Variants in RIOK3 observed in about 807,000 individuals in gnomAD.
RIOK3 encodes serine/threonine-protein kinase RIO3.
A neutral mutation model predicts 63.5 loss-of-function variants in RIOK3; 40 were observed. The ratio of observed to expected loss-of-function variants is 0.63; its 90% CI spans 0.49 to 0.82. RIOK3 has a LOEUF of 0.82. Ranked by LOEUF, RIOK3 falls within the 40% of genes least tolerant of loss-of-function variation. The probability of loss-of-function intolerance (pLI) is 0.00; values close to 1 mark genes in which losing one functional copy is unlikely to be tolerated. For synonymous variants in RIOK3, 193 were observed against 205.0 expected (o/e 0.94, Z 0.50); for missense variants, 557 against 637.0 (o/e 0.87, Z 1.35).
chr18:23,477,305 T>G, intron 11 of RIOK3, 37 bp downstream of exon 11: 1 of 1,476,454 alleles, frequency 6.8e-7, no homozygotes, highest in Non-Finnish European at 9.5e-7. Flanking sequence ...TTTTGTTGGA[T>G]GTAACAGCTG....
rs937886539 is a variant in RIOK3 at position 23,482,091 on chromosome 18, C to T, written c.*812C>T. ...GAATATAAGATTTAACCATGTTTGA[C>T]GTATTTTAATTTAGTTAATGAAGCA... On this transcript the variant is annotated 3_prime_UTR_variant, in exon 13 of 13. Transcript: ENST00000339486. 4 of 152,078 alleles carry T rather than the reference C, an allele frequency of 2.6e-5. No homozygotes were observed. The highest frequency in any genetic ancestry group is 4.8e-5 in the African/African-American group (2 of 41,390). 9.4% of individuals were successfully genotyped at this position (152,078 alleles called of 1,614,324 possible).
chr18:23,455,829 C>T (rs576618409), intron 1 of RIOK3, among the ~76,000 whole-genome samples: 5 of 151,468 alleles, frequency 3.3e-5, no homozygotes, highest in Admixed American at 6.6e-5. Flanking sequence ...GACGGAGCCT[C>T]GCTCTGTCAC....
At chr18:23,453,629 A>AG in intron 1 of RIOK3, 127 bp downstream of exon 1, 1 of 811,492 alleles carries the variant, frequency 1.2e-6, no homozygotes, top group Non-Finnish European at 2.1e-6. Context: ...GACCTCGGCA[A>AG]GGGGGCACTG....
intron 1 of RIOK3, among the ~76,000 whole-genome samples, chr18:23,462,408 T>A (rs987543254): frequency 2.6e-5 from 4 of 152,224 alleles, no homozygotes; most frequent in African/African-American, 9.6e-5. Context: ...GCCAAAGTGC[T>A]AGGATTACAG....
Position 23,476,959 on chromosome 18 carries a change from T to C in RIOK3, c.1174-47T>C. The C allele has an allele frequency of 1.3e-6, 2 of 1,499,702 alleles. 1 individual carries two copies. The highest frequency in any genetic ancestry group is 2.3e-5 in the South Asian group (2 of 88,038). 92.9% of individuals were successfully genotyped at this position (1,499,702 alleles called of 1,614,324 possible). ...CTTTCAGGGGTGTCATCATCAATAA[T>C]ACCACTTAATTATTCATTTCCTAAT... On this transcript the variant is annotated intron_variant, in intron 9 of 12. Coordinates refer to ENST00000339486, the MANE Select transcript of RIOK3 (RefSeq NM_003831.5).
At position 23,481,204 on chromosome 18, in the gene RIOK3, C is replaced by T. The variant is rs757553740; in HGVS notation, c.1485C>T (p.His495=). The T allele has an allele frequency of 1.4e-5, 23 of 1,611,728 alleles. No individual in the cohort carries two copies. Among genetic ancestry groups the T allele is most frequent in the Non-Finnish European group, 1.6e-5 (19 of 1,178,650 alleles). Residue 495 remains histidine, a synonymous_variant, in exon 13 of 13, where the codon CAC becomes CAT. Coordinates refer to ENST00000339486, the MANE Select transcript of RIOK3 (RefSeq NM_003831.5). ...IEALEKMNED[H]VQKNGRKAAS... ...CTTTGGAGAAAATGAATGAAGATCA[C>T]GTTCAGAAGAATGGAAGGAAAGCTG... is the stretch of plus-strand genomic sequence containing the variant.
rs781495828 is a variant in RIOK3 at position 23,481,318 on chromosome 18, T to C, written c.*39T>C. 1.6e-6 allele frequency: 2 copies of C among 1,258,114 alleles called. No individual in the cohort carries two copies. Among genetic ancestry groups the C allele is most frequent in the African/African-American group, 1.5e-5 (1 of 64,940 alleles). The allele number at this position is 1,258,114 out of a possible 1,614,324, so 77.9% of individuals were successfully genotyped here. A position where few individuals can be genotyped will look rare whatever the true frequency, so the allele number is the denominator to read the frequency against. ...TGCTTCAGTGTTAACACAGCAGTGATTGTCAGCTGCCAATAGCAAATGAAG... is the reference window on the plus strand; with the variant it reads ...TGCTTCAGTGTTAACACAGCAGTGACTGTCAGCTGCCAATAGCAAATGAAG... On this transcript the variant is annotated 3_prime_UTR_variant, in exon 13 of 13. Coordinates refer to ENST00000339486, the MANE Select transcript of RIOK3 (RefSeq NM_003831.5).
intron 7 of RIOK3, among the ~76,000 whole-genome samples, chr18:23,469,598 C>T (rs536218049): frequency 1.3e-5 from 2 of 151,362 alleles, no homozygotes; most frequent in East Asian, 3.9e-4. Flanking sequence ...AGTGATTCTC[C>T]TGCCTCAGCC....
intron 1 of RIOK3, among the ~76,000 whole-genome samples, chr18:23,455,026 C>CCTTTCCTTTCTTTCCTTCCTTTCTTTT (rs1555754666): frequency 1.1e-4 from 17 of 151,836 alleles, no homozygotes; most frequent in Non-Finnish European, 1.9e-4. Flanking sequence ...TCCTTCCTTT[C>CCTTTCCTTTCTTTCCTTCCTTTCTTTT]CTTTCCTTTC....
intron 7 of RIOK3, among the ~76,000 whole-genome samples, chr18:23,471,303 T>C (rs1393135607): frequency 6.6e-6 from 1 of 152,226 alleles, no homozygotes; most frequent in Non-Finnish European, 1.5e-5. Flanking sequence ...TGGATGGGCA[T>C]TCTGGACTAG....
At chr18:23,453,611 A>G in intron 1 of RIOK3, 109 bp downstream of exon 1, 6 of 950,514 alleles carry the variant, frequency 6.3e-6, no homozygotes, top group Non-Finnish European at 8.3e-6. Flanking sequence ...CTGGGGCGGG[A>G]CCCCGCGGAC....
intron 8 of RIOK3, among the ~76,000 whole-genome samples, chr18:23,473,832 T>TA (rs1268920009): frequency 1.3e-5 from 2 of 152,362 alleles, no homozygotes; most frequent in African/African-American, 4.8e-5. Context: ...TTTTCTGCCT[T>TA]AGACACTTTA....
At chr18:23,465,033 C>T (rs993940155) in intron 5 of RIOK3, among the ~76,000 whole-genome samples, 2 of 152,084 alleles carry the variant, frequency 1.3e-5, no homozygotes, top group African/African-American at 4.8e-5. Context: ...TTATCTTGTG[C>T]CTGAACTACC....
Position 23,481,356 on chromosome 18 carries a change from TG to T in RIOK3, c.*78del, listed in dbSNP as rs1310389834. 1 of 904,266 alleles carries T rather than the reference TG, an allele frequency of 1.1e-6. No homozygotes were observed. The highest frequency in any genetic ancestry group is 1.7e-6 in the Non-Finnish European group (1 of 592,800). The allele number at this position is 904,266 out of a possible 1,614,324, so 56.0% of individuals were successfully genotyped here. On this transcript the variant is annotated 3_prime_UTR_variant, in exon 13 of 13. Coordinates refer to ENST00000339486, the MANE Select transcript of RIOK3 (RefSeq NM_003831.5). Reference sequence around the variant, plus strand: ...ATAGCAAATGAAGTTATGGGTGACTTGAAATACCAAAACCTGAGGAGTGGGC... The same window carrying T: ...ATAGCAAATGAAGTTATGGGTGACTTAAATACCAAAACCTGAGGAGTGGGC...
intron 8 of RIOK3, among the ~76,000 whole-genome samples, chr18:23,473,919 A>T (rs2057473001): frequency 6.6e-6 from 1 of 152,198 alleles, no homozygotes; most frequent in Non-Finnish European, 1.5e-5. Context: ...GCTTAGCATA[A>T]AAAAATGGTT....
intron 9 of RIOK3, among the ~76,000 whole-genome samples, chr18:23,475,482 T>TAAAAAAAAAAA (rs1598814695): frequency 2.5e-5 from 3 of 119,686 alleles, no homozygotes; most frequent in African/African-American, 7.2e-5. Flanking sequence ...AAAAAAAAAT[T>TAAAAAAAAAAA]AAAAATTAGC....
At chr18:23,472,513 C>G (rs184884392) in intron 7 of RIOK3, among the ~76,000 whole-genome samples, 25 of 152,238 alleles carry the variant, frequency 1.6e-4, no homozygotes, top group Admixed American at 1.3e-3. Context: ...ATTCCATCCA[C>G]TTTTTCATTC....
intron 1 of RIOK3, among the ~76,000 whole-genome samples, chr18:23,461,926 C>T (rs2057374086): frequency 6.6e-6 from 1 of 151,232 alleles, no homozygotes; most frequent in African/African-American, 2.4e-5. Context: ...CCTATCTCTA[C>T]TAAAAATACA....
At position 23,467,101 on chromosome 18, in the gene RIOK3, G is replaced by A. The variant is rs539937526; in HGVS notation, c.688-298G>A. ...GAGGCCAAGGCGGGCGGATCATGAGGTCAGGAGTTCGAGACCAGCCTGGCC... is the reference window on the plus strand; with the variant it reads ...GAGGCCAAGGCGGGCGGATCATGAGATCAGGAGTTCGAGACCAGCCTGGCC... On this transcript the variant is annotated intron_variant, in intron 6 of 12. Coordinates refer to ENST00000339486, the MANE Select transcript of RIOK3 (RefSeq NM_003831.5). Among the ~76,000 whole-genome samples the A allele has an allele frequency of 3.3e-5, 5 of 151,886 alleles. No individual in the cohort carries two copies. The South Asian group carries it at 8.3e-4, about 25-fold the overall frequency.
Sources: allele counts gnomAD v4.1 joint callset (sites outside exome capture counted in the v4.1 genomes callset), GRCh38; gene constraint gnomAD v4.1.1; transcripts MANE v1.5; gene names NCBI Gene and HGNC (gene_info 2026-07-23, HGNC 2026-07-21).